The following PXT1 variants were observed in gnomAD, a reference collection of about 807,000 sequenced individuals.
The protein encoded by PXT1 is peroxisomal testis-specific protein 1.
Under a neutral mutation model 11.0 loss-of-function variants are expected in PXT1, and 11 were observed. The ratio of observed to expected loss-of-function variants is 1.00; its 90% confidence interval spans 0.63 to 1.66. The LOEUF (loss-of-function observed/expected upper bound fraction) is 1.66. PXT1 is among the 40% of genes most tolerant of loss of function. The probability of loss-of-function intolerance (pLI) is 0.00; values close to 1 mark genes in which losing one functional copy is unlikely to be tolerated. For missense variants in PXT1, 141 were observed against 155.5 expected, an observed-to-expected ratio of 0.91 and a Z score of 0.49; for synonymous variants, 43 against 51.4, an observed-to-expected ratio of 0.84 and a Z score of 0.70.
intron 3 of PXT1, among the ~76,000 whole-genome samples, chr6:36,423,551 C>T (rs632643): frequency 0.024 from 3,646 of 152,348 alleles, 138 homozygotes; most frequent in African/African-American, 0.082. Context: ...TTAGGGAGGC[C>T]GGGTTCCCGA....
At chr6:36,392,727 G>A (rs180957813) in intron 4 of PXT1, among the ~76,000 whole-genome samples, 3 of 152,136 alleles carry the variant, frequency 2.0e-5, no homozygotes, top group African/African-American at 7.2e-5. Context: ...TGAATATTAA[G>A]TATTTTGGAG....
Position 36,425,803 on chromosome 6 carries a change from A to AAACAAAC in PXT1, c.169+110_169+111insGTTTGTT, listed in dbSNP as rs374660135. The AAACAAAC allele has an allele frequency of 2.9e-5, 10 of 344,098 alleles. 1 individual carries two copies. The highest frequency in any genetic ancestry group is 2.0e-4 in the South Asian group (3 of 15,074). The allele number at this position is 344,098 out of a possible 1,614,324, so 21.3% of individuals were successfully genotyped here. A position where few individuals can be genotyped will look rare whatever the true frequency, so the allele number is the denominator to read the frequency against. ...ACTCTGTCTCAAAAAACAAAAACAA[A>AAACAAAC]AAATATATATATATATATATATATA... On this transcript the variant is annotated intron_variant, in intron 3 of 4. Coordinates refer to ENST00000454782, the MANE Select transcript of PXT1 (RefSeq NM_152990.4).
At chr6:36,436,981 G>A (rs1279355540) in intron 2 of PXT1, among the ~76,000 whole-genome samples, 1 of 152,084 alleles carries the variant, frequency 6.6e-6, no homozygotes, top group East Asian at 1.9e-4. Flanking sequence ...TTACATTAAT[G>A]TGAGGTTATA....
chr6:36,394,719 C>T (rs1284043531), intron 4 of PXT1, among the ~76,000 whole-genome samples: 1 of 60,150 alleles, frequency 1.7e-5, no homozygotes, highest in Admixed American at 1.3e-4. Flanking sequence ...GCATATGTCC[C>T]GGGTTTAAAA....
intron 2 of PXT1, among the ~76,000 whole-genome samples, chr6:36,433,663 CA>C (rs1179555087): frequency 1.3e-3 from 184 of 139,878 alleles, no homozygotes; most frequent in African/African-American, 1.6e-3. Flanking sequence ...CCAAAAAATA[CA>C]AAAAAAAAAA....
intron 2 of PXT1, among the ~76,000 whole-genome samples, chr6:36,431,166 A>C (rs2094493603): frequency 6.6e-6 from 1 of 152,192 alleles, no homozygotes; most frequent in Non-Finnish European, 1.5e-5. Flanking sequence ...TGGAAATGTA[A>C]TTATGGAAAA....
At chr6:36,439,341 G>A (rs984070488) in intron 1 of PXT1, among the ~76,000 whole-genome samples, 6 of 151,680 alleles carry the variant, frequency 4.0e-5, no homozygotes, top group Middle Eastern at 3.4e-3. Flanking sequence ...GCTGGGAGTG[G>A]TGGCTCACGC....
chr6:36,425,806 A>G (rs899698464), intron 3 of PXT1, 108 bp downstream of exon 3: 6 of 284,572 alleles, frequency 2.1e-5, no homozygotes, highest in Admixed American at 6.1e-5. Flanking sequence ...AAAACAAAAA[A>G]TATATATATA....
At chr6:36,392,126 C>T in intron 4 of PXT1, 1 of 384,154 alleles carries the variant, frequency 2.6e-6, no homozygotes, top group Non-Finnish European at 4.7e-6. Context: ...CTCCTGGGCT[C>T]AAGTGATTCT....
intron 3 of PXT1, among the ~76,000 whole-genome samples, chr6:36,408,124 G>A (rs2127412468): frequency 6.6e-6 from 1 of 151,760 alleles, no homozygotes; most frequent in Non-Finnish European, 1.5e-5. Flanking sequence ...ACCACACCCG[G>A]CTAATTTTTG....
chr6:36,391,660 A>G lies in PXT1; in HGVS notation c.*110T>C. The stretch of plus-strand genomic sequence containing the variant: ...GGTGTAGACCAACAGTGATGGGTAC[A>G]AAAAGAGGGAGACGGAGAAGGGTGT... On this transcript the variant is annotated 3_prime_UTR_variant, in exon 5 of 5. Coordinates refer to ENST00000454782, the MANE Select transcript of PXT1 (RefSeq NM_152990.4). 1.2e-6 allele frequency: 1 copy of G among 801,676 alleles called. No homozygotes were observed. Among genetic ancestry groups the G allele is most frequent in the Non-Finnish European group, 2.2e-6 (1 of 462,864 alleles). 49.7% of individuals were successfully genotyped at this position (801,676 alleles called of 1,614,324 possible). A position where few individuals can be genotyped will look rare whatever the true frequency, so the allele number is the denominator to read the frequency against.
rs192405929 is a variant in PXT1, at chr6:36,430,363, A to C, written c.-9-4272T>G. Among the ~76,000 whole-genome samples the C allele has an allele frequency of 2.6e-5, 4 of 152,312 alleles. No homozygotes were observed. The East Asian group carries it at 7.7e-4, about 29-fold the overall frequency. On this transcript the variant is annotated intron_variant, in intron 2 of 4. Transcript: ENST00000454782. Reference sequence around the variant, plus strand: ...CCAGAACCTGTGAATATGTTACCCTACCAGGCAGAATGGACTCTGTAGATG... The same window carrying C: ...CCAGAACCTGTGAATATGTTACCCTCCCAGGCAGAATGGACTCTGTAGATG...
intron 3 of PXT1, among the ~76,000 whole-genome samples, chr6:36,424,723 G>A (rs968559219): frequency 2.6e-5 from 4 of 151,988 alleles, no homozygotes; most frequent in African/African-American, 7.3e-5. Context: ...ATACCAGGCC[G>A]GTCGCGGTGG....
intron 2 of PXT1, among the ~76,000 whole-genome samples, chr6:36,437,295 C>G (rs1235263357): frequency 3.9e-4 from 59 of 151,694 alleles, no homozygotes; most frequent in African/African-American, 1.4e-3. Context: ...TCAAAACAAA[C>G]AAACAAAACC....
chr6:36,416,988 G>T (rs892954643), intron 3 of PXT1, among the ~76,000 whole-genome samples: 11 of 152,200 alleles, frequency 7.2e-5, no homozygotes, highest in African/African-American at 2.7e-4. Flanking sequence ...TGCTGAACAT[G>T]GATCAAATAA....
chr6:36,440,617 T>C (rs941414888), intron 1 of PXT1, among the ~76,000 whole-genome samples: 18 of 150,646 alleles, frequency 1.2e-4, no homozygotes, highest in African/African-American at 4.1e-4. Flanking sequence ...CAGATACAAA[T>C]AAATATCAGA....
chr6:36,435,676 T>C (rs1039818974), intron 2 of PXT1, among the ~76,000 whole-genome samples: 1 of 151,930 alleles, frequency 6.6e-6, no homozygotes, highest in Non-Finnish European at 1.5e-5. Flanking sequence ...TAAACCAATA[T>C]ACACACACAC....
intron 2 of PXT1, among the ~76,000 whole-genome samples, chr6:36,431,610 T>C (rs1041194844): frequency 4.0e-5 from 6 of 151,792 alleles, no homozygotes; most frequent in Non-Finnish European, 8.8e-5. Context: ...CTACAAAAAA[T>C]AGAAAAATTA....
At chr6:36,428,934 G>A (rs1293348464) in intron 2 of PXT1, among the ~76,000 whole-genome samples, 1 of 151,858 alleles carries the variant, frequency 6.6e-6, no homozygotes, top group East Asian at 1.9e-4. Context: ...GGGATTACAC[G>A]CATGAGCCAC....
Sources: allele counts gnomAD v4.1 joint callset (sites outside exome capture counted in the v4.1 genomes callset), GRCh38; gene constraint gnomAD v4.1.1; transcripts MANE v1.5; gene names NCBI Gene and HGNC (gene_info 2026-07-23, HGNC 2026-07-21).